EIPR1: variants seen among roughly 807,000 people sequenced by gnomAD.
EIPR1 encodes the protein EARP complex and GARP complex interacting protein 1.
Under a neutral mutation model 48.1 loss-of-function variants are expected in EIPR1, and 25 were observed. That is an observed-to-expected ratio of 0.52 (90% CI 0.38 to 0.73). The LOEUF (loss-of-function observed/expected upper bound fraction) is 0.73, where lower values mean the gene tolerates loss of function less well. EIPR1 is among the 30% of genes least tolerant of loss of function. The probability of loss-of-function intolerance (pLI) is 0.00; values close to 1 mark genes in which losing one functional copy is unlikely to be tolerated. For synonymous variants in EIPR1, 204 were observed against 201.9 expected (o/e 1.01, Z -0.09); for missense variants, 415 against 506.2 (o/e 0.82, Z 1.73).
At chr2:3,373,345 A>G (rs1185888850) in intron 1 of EIPR1, among the ~76,000 whole-genome samples, 1 of 151,582 alleles carries the variant, frequency 6.6e-6, no homozygotes, top group African/African-American at 2.4e-5. Flanking sequence ...CTCTCTCACC[A>G]CTCCTATTCA....
chr2:3,324,602 A>C (rs1158309461), intron 3 of EIPR1, among the ~76,000 whole-genome samples: 1 of 152,246 alleles, frequency 6.6e-6, no homozygotes, highest in East Asian at 1.9e-4. Context: ...ACCTTCTGAA[A>C]GCCGACCCTG....
At chr2:3,300,504 C>T (rs1668733388) in intron 3 of EIPR1, among the ~76,000 whole-genome samples, 1 of 152,234 alleles carries the variant, frequency 6.6e-6, no homozygotes, top group South Asian at 2.1e-4. Context: ...GCAGTCTCGC[C>T]TCAATGCCAC....
At chr2:3,356,050 T>C (rs1670718819) in intron 1 of EIPR1, among the ~76,000 whole-genome samples, 1 of 152,216 alleles carries the variant, frequency 6.6e-6, no homozygotes, top group African/African-American at 2.4e-5. Flanking sequence ...GAGGAAGGGC[T>C]GGGCTGAGGG....
chr2:3,311,798 G>A (rs572840377), intron 3 of EIPR1, among the ~76,000 whole-genome samples: 4 of 151,848 alleles, frequency 2.6e-5, no homozygotes, highest in Non-Finnish European at 4.4e-5. Context: ...CTCCATTCGC[G>A]GGGTGCTGGG....
intron 1 of EIPR1, among the ~76,000 whole-genome samples, chr2:3,374,342 C>T (rs1297792180): frequency 9.9e-5 from 15 of 151,968 alleles, no homozygotes; most frequent in South Asian, 2.1e-4. Flanking sequence ...GTCTAAAACA[C>T]CAAAAGCAAT....
chr2:3,349,134 C>T (rs1178878226), intron 2 of EIPR1, among the ~76,000 whole-genome samples: 1 of 152,256 alleles, frequency 6.6e-6, no homozygotes, highest in Non-Finnish European at 1.5e-5. Context: ...GCACATGCCT[C>T]AGAGCTGAAC....
chr2:3,259,363 G>A (rs1056763607), intron 3 of EIPR1, among the ~76,000 whole-genome samples: 17 of 103,358 alleles, frequency 1.6e-4, no homozygotes, highest in Non-Finnish European at 2.5e-4. Flanking sequence ...TCCTGTAAAC[G>A]CCAGCTCACC....
intron 2 of EIPR1, among the ~76,000 whole-genome samples, chr2:3,343,334 A>C (rs1275058910): frequency 3.3e-5 from 5 of 152,242 alleles, no homozygotes; most frequent in Non-Finnish European, 7.3e-5. Context: ...GAATAAACAT[A>C]CGCAGGTACA....
At chr2:3,309,868 G>A (rs1303335950) in intron 3 of EIPR1, among the ~76,000 whole-genome samples, 1 of 152,210 alleles carries the variant, frequency 6.6e-6, no homozygotes, top group East Asian at 1.9e-4. Flanking sequence ...AGAGCTGGGG[G>A]TTAGGAAAGA....
At chr2:3,249,514 C>T (rs557641187) in intron 4 of EIPR1, among the ~76,000 whole-genome samples, 8 of 152,128 alleles carry the variant, frequency 5.3e-5, no homozygotes, top group Non-Finnish European at 1.2e-4. Flanking sequence ...GGAATCAAAG[C>T]ATAATGTTTG....
At chr2:3,213,684 T>G (rs963209731) in intron 5 of EIPR1, among the ~76,000 whole-genome samples, 1 of 152,174 alleles carries the variant, frequency 6.6e-6, no homozygotes, top group African/African-American at 2.4e-5. Context: ...CCATGTCATA[T>G]CTCACAAGCC....
At chr2:3,310,375 C>T (rs528577463) in intron 3 of EIPR1, among the ~76,000 whole-genome samples, 19 of 151,976 alleles carry the variant, frequency 1.3e-4, no homozygotes, top group East Asian at 3.9e-4. Context: ...GATAATTGGC[C>T]GGGCGCGGTG....
chr2:3,322,674 G>C (rs917393656), intron 3 of EIPR1, among the ~76,000 whole-genome samples: 2 of 152,212 alleles, frequency 1.3e-5, no homozygotes, highest in Admixed American at 1.3e-4. Context: ...ACACACATCT[G>C]CCTTTGGCTG....
At chr2:3,214,725 A>AT (rs1665572438) in intron 4 of EIPR1, among the ~76,000 whole-genome samples, 1 of 152,246 alleles carries the variant, frequency 6.6e-6, no homozygotes. Flanking sequence ...AACGTATTGG[A>AT]TATCACACTG....
chr2:3,235,292 C>G (rs1666364713), intron 4 of EIPR1, among the ~76,000 whole-genome samples: 1 of 152,268 alleles, frequency 6.6e-6, no homozygotes, highest in Admixed American at 6.5e-5. Context: ...CCCCTCAGCT[C>G]CTCCCTCTTC....
chr2:3,232,404 G>A (rs930308680), intron 4 of EIPR1, among the ~76,000 whole-genome samples: 2 of 152,080 alleles, frequency 1.3e-5, no homozygotes, highest in Non-Finnish European at 2.9e-5. Flanking sequence ...TTGATTATTT[G>A]AGATCTTTCT....
At chr2:3,248,750 G>A (rs756078231) in intron 4 of EIPR1, among the ~76,000 whole-genome samples, 13 of 152,136 alleles carry the variant, frequency 8.5e-5, no homozygotes, top group South Asian at 8.3e-4. Context: ...CAGACTGGGC[G>A]ACAAAGTGAG....
At chr2:3,362,647 C>G (rs1233682259) in intron 1 of EIPR1, among the ~76,000 whole-genome samples, 11 of 129,008 alleles carry the variant, frequency 8.5e-5, no homozygotes, top group African/African-American at 3.0e-4. Context: ...GAGACTCTGT[C>G]TCAAAAAAAA....
chr2:3,302,084 G>A (rs1668778358), intron 3 of EIPR1, among the ~76,000 whole-genome samples: 1 of 152,358 alleles, frequency 6.6e-6, no homozygotes, highest in South Asian at 2.1e-4. Flanking sequence ...TCTCCAGAGT[G>A]GAACTGAATT....
Sources: gnomAD v4.1 joint callset for allele counts (sites outside exome capture counted in the v4.1 genomes callset) on GRCh38, gnomAD v4.1.1 for gene constraint, MANE v1.5 for transcripts, NCBI Gene and HGNC (gene_info 2026-07-23, HGNC 2026-07-21) for gene names.